Variants in CELSR2 observed in about 807,000 individuals in gnomAD.
CELSR2 encodes the protein EGF-like protein 2.
CELSR2 carries 81 observed loss-of-function variants against 251.6 expected under a neutral mutation model. The ratio of observed to expected loss-of-function variants is 0.32; its 90% CI spans 0.27 to 0.39. The LOEUF is 0.39. CELSR2 is among the 10% of genes least tolerant of loss of function. CELSR2 has a pLI of 1.00. For synonymous variants in CELSR2, 1,721 were observed against 1,670.5 expected (o/e 1.03, Z -0.74); for missense variants, 3,365 against 3,947.7 (o/e 0.85, Z 3.96).
At position 109,261,315 on chromosome 1, in the gene CELSR2, G is replaced by T; in HGVS notation, c.4181+51G>T. The T allele has an allele frequency of 6.5e-7, 1 of 1,549,966 alleles. No homozygotes were observed. The highest frequency in any genetic ancestry group is 8.9e-7 in the Non-Finnish European group (1 of 1,129,576). Reference sequence around the variant, plus strand: ...GGAGTGGGCCTGGTGGGCATCTGAGGTGCCTCCTGTTCTGTGGTTGAAGTA... The same window carrying T: ...GGAGTGGGCCTGGTGGGCATCTGAGTTGCCTCCTGTTCTGTGGTTGAAGTA... On this transcript the variant is annotated intron_variant, in intron 3 of 33. Transcript: ENST00000271332. The surrounding 1 kb of genome is among the most constrained non-coding windows in gnomAD (Gnocchi z 4.8).
At chr1:109,256,891 C>A (rs1483369426) in intron 1 of CELSR2, among the ~76,000 whole-genome samples, 4 of 152,136 alleles carry the variant, frequency 2.6e-5, no homozygotes, top group Non-Finnish European at 4.4e-5. Flanking sequence ...AACTCCTGAC[C>A]TCGTGATCCA....
chr1:109,260,980 G>C lies in CELSR2; in HGVS notation c.3959-62G>C. 6.1e-6 allele frequency: 8 copies of C among 1,315,030 alleles called. No individual in the cohort carries two copies. In the South Asian group the frequency reaches 1.1e-4, roughly 17 times the overall value. The allele number at this position is 1,315,030 out of a possible 1,614,324, so 81.5% of individuals were successfully genotyped here. A position where few individuals can be genotyped will look rare whatever the true frequency, so the allele number is the denominator to read the frequency against. ...ATGGGAGCTATCACTGGGTTGTGGG[G>C]GGTCTCAGTTCCCCTCCTGTCCTCA... On this transcript the variant is annotated intron_variant, in intron 2 of 33. Coordinates refer to ENST00000271332, the MANE Select transcript of CELSR2 (RefSeq NM_001408.3).
chr1:109,268,421 G>A (rs1468801240), intron 17 of CELSR2, among the ~76,000 whole-genome samples, 160 bp from the exon 18 acceptor site: 4 of 152,228 alleles, frequency 2.6e-5, no homozygotes, highest in African/African-American at 9.6e-5. Context: ...TGACCTGAGT[G>A]GGCAGTGCGG....
Position 109,273,230 on chromosome 1 carries a change from T to C in CELSR2, c.8403T>C (p.Ser2801=). The C allele has an allele frequency of 6.2e-7, 1 of 1,612,918 alleles. No individual in the cohort carries two copies. The highest frequency in any genetic ancestry group is 1.1e-5 in the South Asian group (1 of 90,978). The change falls in exon 32 of 34, where the codon AGT becomes AGC. Residue 2801 remains serine, a synonymous_variant. Coordinates refer to ENST00000271332, the MANE Select transcript of CELSR2 (RefSeq NM_001408.3). The stretch of plus-strand genomic sequence containing the variant: ...ACTTTGGGACCACAGCAAAAGAGAG[T>C]AGTGGCAACGGGGCCCCTGAGGAGC... ...PGDFGTTAKE[S]SGNGAPEERL... is the part of the protein sequence containing the mutation.
At chr1:109,271,831 C>G in intron 28 of CELSR2, 109 bp downstream of exon 28, 1 of 1,378,356 alleles carries the variant, frequency 7.3e-7, no homozygotes, top group Non-Finnish European at 9.9e-7. Flanking sequence ...CCATCCCTTC[C>G]TGGAAGGTGG....
At chr1:109,260,570 C>G (rs1655990593) in intron 2 of CELSR2, among the ~76,000 whole-genome samples, 1 of 152,128 alleles carries the variant, frequency 6.6e-6, no homozygotes, top group Non-Finnish European at 1.5e-5. Flanking sequence ...ACAAAAGCAC[C>G]AGTGGGAAGG....
rs1199840178 is a variant in CELSR2, at chr1:109,270,136, A to G, written c.7308+3A>G. The G allele has an allele frequency of 6.2e-7, 1 of 1,613,474 alleles. No homozygotes were observed. Among genetic ancestry groups the G allele is most frequent in the Non-Finnish European group, 8.5e-7 (1 of 1,179,904 alleles). On this transcript the variant is annotated splice_donor_region_variant and intron_variant, in intron 23 of 33. Transcript: ENST00000271332. ...GAATCAACCAGGCTGACCTCCCTGT[A>G]AGATGCTCCTACTGCCCAGAAACTG...
At position 109,250,702 on chromosome 1, in the gene CELSR2, C is replaced by G. The variant is rs761111571; in HGVS notation, c.623C>G (p.Pro208Arg). Residue 208 changes from proline (P) to arginine (R), a missense_variant, in exon 1 of 34, where the codon CCG becomes CGG. By Grantham distance (103) the Pro-to-Arg change is moderately radical (BLOSUM62 -2). Coordinates refer to ENST00000271332, the MANE Select transcript of CELSR2 (RefSeq NM_001408.3). The surrounding 1 kb of genome is among the most constrained non-coding windows in gnomAD (Gnocchi z 4.4). ...TPVASLRAIDPDEGEAGRLEY... is the reference protein window; with the variant it reads ...TPVASLRAIDRDEGEAGRLEY... ...GTTGCATCCCTGAGGGCCATCGACC[C>G]GGACGAGGGTGAGGCAGGTCGACTG... 1 of 1,614,138 alleles carries G rather than the reference C, an allele frequency of 6.2e-7. No individual in the cohort carries two copies. The highest frequency in any genetic ancestry group is 1.1e-5 in the South Asian group (1 of 91,086).
chr1:109,253,145 G>A lies in CELSR2; in HGVS notation c.3066G>A (p.Val1022=). The change falls in exon 1 of 34, where the codon GTG becomes GTA. Residue 1022 remains valine, a synonymous_variant. Transcript: ENST00000271332. ...RLLDRNDNPP[V]LGNFEILFNN... is the part of the protein sequence containing the mutation. Reference sequence around the variant, plus strand: ...TTGACCGCAATGACAACCCACCAGTGCTGGGCAACTTTGAGATCCTTTTCA... The same window carrying A: ...TTGACCGCAATGACAACCCACCAGTACTGGGCAACTTTGAGATCCTTTTCA... The A allele has an allele frequency of 6.2e-7, 1 of 1,613,810 alleles. No individual in the cohort carries two copies. Among genetic ancestry groups the A allele is most frequent in the East Asian group, 2.2e-5 (1 of 44,888 alleles).
intron 9 of CELSR2, 26 bp from the exon 10 acceptor site, chr1:109,264,052 C>G (rs1216410506): frequency 6.5e-7 from 1 of 1,549,052 alleles, no homozygotes; most frequent in Non-Finnish European, 8.7e-7. Context: ...GTCTGCTGAC[C>G]CTGTTTTCTT....
In CELSR2 at chr1:109,270,169, C is replaced by T. The variant is rs200661982; in HGVS notation, c.7308+36C>T. 1,173 of 1,603,640 alleles carry T rather than the reference C, an allele frequency of 7.3e-4. 11 individuals carry two copies. The African/African-American group carries it at 0.013, about 17-fold the overall frequency. ...CCTACTGCCCAGAAACTGTCCCCAC[C>T]TTCTCAGGCCGCCTCCCCAGCCCCC... On this transcript the variant is annotated intron_variant, in intron 23 of 33. Transcript: ENST00000271332.
intron 9 of CELSR2, 146 bp downstream of exon 9, chr1:109,263,923 C>T: frequency 7.2e-7 from 1 of 1,381,210 alleles, no homozygotes; most frequent in Non-Finnish European, 9.7e-7. Flanking sequence ...TCAATGCTGC[C>T]ACCTGTTGGG....
At position 109,249,935 on chromosome 1, in the gene CELSR2, A is replaced by C; in HGVS notation, c.-145A>C. 2 of 696,322 alleles carry C rather than the reference A, an allele frequency of 2.9e-6. No individual in the cohort carries two copies. Among genetic ancestry groups the C allele is most frequent in the Non-Finnish European group, 1.9e-6 (1 of 526,186 alleles). The allele number at this position is 696,322 out of a possible 1,614,324, so 43.1% of individuals were successfully genotyped here. On this transcript the variant is annotated 5_prime_UTR_variant, in exon 1 of 34. Transcript: ENST00000271332. Reference sequence around the variant, plus strand: ...GTGCAGCGCGGGGTCCCGCCGAGCCATCCAGACGCAGGCCCCGCGGGGCGC... The same window carrying C: ...GTGCAGCGCGGGGTCCCGCCGAGCCCTCCAGACGCAGGCCCCGCGGGGCGC...
rs1462722915 is a variant in CELSR2, at chr1:109,268,942, G to T, written c.6565G>T (p.Ala2189Ser). 6.2e-7 allele frequency: 1 copy of T among 1,613,660 alleles called. No individual in the cohort carries two copies. Among genetic ancestry groups the T allele is most frequent in the Non-Finnish European group, 8.5e-7 (1 of 1,179,672 alleles). Reference protein sequence around the residue: ...FAGAKLPRYEALRGEQPPDLE... With the variant: ...FAGAKLPRYESLRGEQPPDLE... ...TGGGGCCAAGCTGCCCCGCTACGAGGCCCTGCGTGGGGAGCAGCCCCCGGA... is the reference window on the plus strand; with the variant it reads ...TGGGGCCAAGCTGCCCCGCTACGAGTCCCTGCGTGGGGAGCAGCCCCCGGA... Residue 2189 changes from alanine to serine, a missense_variant, in exon 19 of 34, where the codon GCC becomes TCC. By Grantham distance (99) the Ala-to-Ser change is moderately conservative. Coordinates refer to ENST00000271332, the MANE Select transcript of CELSR2 (RefSeq NM_001408.3).
Position 109,265,815 on chromosome 1 carries a change from T to C in CELSR2, c.5808T>C (p.Cys1936=). The C allele has an allele frequency of 6.2e-7, 1 of 1,614,134 alleles. No individual in the cohort carries two copies. The highest frequency in any genetic ancestry group is 8.5e-7 in the Non-Finnish European group (1 of 1,180,028). ...CCACAGGCTCCTTGTCCAGAGTCTG[T>C]GACCCTGAGGATGGCCAGTGTCCAT... ...CYPTGSLSRV[C]DPEDGQCPCK... The change falls in exon 14 of 34, where the codon TGT becomes TGC. Residue 1936 remains cysteine, a synonymous_variant. Coordinates refer to ENST00000271332, the MANE Select transcript of CELSR2 (RefSeq NM_001408.3).
rs1369922550 is a variant in CELSR2 at position 109,261,069 on chromosome 1, C to T, written c.3986C>T (p.Ser1329Leu). The change falls in exon 3 of 34, where the codon TCA becomes TTA. Residue 1329 changes from serine (S) to leucine (L), a missense_variant. Around this residue, in one of 5 missense-constraint regions of CELSR2, gnomAD observed 2,093 missense variants for 2,382.8 expected, o/e 0.88. Coordinates refer to ENST00000271332, the MANE Select transcript of CELSR2 (RefSeq NM_001408.3). This position sits in a 1 kb window ranked among gnomAD's most constrained non-coding sequence, Gnocchi z 4.8. ...TGEHCEVSAR[S>L]GRCTPGVCKN... ...GAGCACTGTGAGGTGAGTGCTCGCT[C>T]AGGCCGTTGCACCCCGGGTGTCTGC... The T allele has an allele frequency of 6.2e-7, 1 of 1,613,522 alleles. No individual in the cohort carries two copies. Among genetic ancestry groups the T allele is most frequent in the Non-Finnish European group, 8.5e-7 (1 of 1,179,766 alleles).
rs1376357905 is a variant in CELSR2 at position 109,274,504 on chromosome 1, G to C, written c.*455G>C. 1 of 197,382 alleles carries C rather than the reference G, an allele frequency of 5.1e-6. No individual in the cohort carries two copies. The highest frequency in any genetic ancestry group is 2.3e-5 in the African/African-American group (1 of 42,594). 12.2% of individuals were successfully genotyped at this position (197,382 alleles called of 1,614,324 possible). Reference sequence around the variant, plus strand: ...GAGGAGAGGGACTCCTGGGGGGCCTGCCCCTCATACGCCATCACCAAAAGG... The same window carrying C: ...GAGGAGAGGGACTCCTGGGGGGCCTCCCCCTCATACGCCATCACCAAAAGG... On this transcript the variant is annotated 3_prime_UTR_variant, in exon 34 of 34. Transcript: ENST00000271332.
chr1:109,272,997 G>A lies in CELSR2; in HGVS notation c.8308G>A (p.Glu2770Lys). ...GWDSLLGPGA[E>K]RLPLHSTPKD... ...GGATAGCCTGCTGGGGCCTGGAGCAGAGAGACTGCCCCTGCACAGTACTCC... is the reference window on the plus strand; with the variant it reads ...GGATAGCCTGCTGGGGCCTGGAGCAAAGAGACTGCCCCTGCACAGTACTCC... The change falls in exon 31 of 34, where the codon GAG becomes AAG. Residue 2770 changes from glutamate (E) to lysine (K), a missense_variant. This residue lies in a region of CELSR2 where 2,093 missense variants were observed against 2,382.8 expected (regional missense o/e 0.88). Coordinates refer to ENST00000271332, the MANE Select transcript of CELSR2 (RefSeq NM_001408.3). 6.2e-7 allele frequency: 1 copy of A among 1,613,660 alleles called. No homozygotes were observed. The highest frequency in any genetic ancestry group is 8.5e-7 in the Non-Finnish European group (1 of 1,179,780).
rs772024942 is a variant in CELSR2, at chr1:109,263,206, C to T, written c.4773C>T (p.Asn1591=). ...GCCACAATGGGGGCACTTGCGTGAA[C>T]CAGTGGGACGCGTTCAGCTGCGAGT... ...NTCHNGGTCV[N]QWDAFSCECP... The change falls in exon 8 of 34, where the codon AAC becomes AAT. Residue 1591 remains asparagine (N), a synonymous_variant. Coordinates refer to ENST00000271332, the MANE Select transcript of CELSR2 (RefSeq NM_001408.3). The T allele has an allele frequency of 3.1e-6, 5 of 1,599,040 alleles. No individual in the cohort carries two copies. The highest frequency in any genetic ancestry group is 1.7e-5 in the Admixed American group (1 of 59,742).
Sources: allele counts gnomAD v4.1 joint callset (sites outside exome capture counted in the v4.1 genomes callset), GRCh38; gene constraint gnomAD v4.1.1; regional missense constraint gnomAD v4.1.1; non-coding constraint Gnocchi (gnomAD v3.1); transcripts MANE v1.5; gene names NCBI Gene and HGNC (gene_info 2026-07-23, HGNC 2026-07-21).